The following TTC29 variants were observed in gnomAD, a reference collection of about 807,000 sequenced individuals.
The protein encoded by TTC29 is tetratricopeptide repeat protein 29.
A neutral mutation model predicts 58.1 loss-of-function variants in TTC29; 49 were observed. The ratio of observed to expected loss-of-function variants is 0.84; its 90% confidence interval spans 0.67 to 1.07. The LOEUF (loss-of-function observed/expected upper bound fraction) is 1.07. Ranked by LOEUF, TTC29 falls within the 50% of genes least tolerant of loss-of-function variation. The pLI is 0.00. For synonymous variants in TTC29, 209 were observed against 196.8 expected (o/e 1.06, Z -0.52); for missense variants, 582 against 555.6 (o/e 1.05, Z -0.48).
At chr4:146,847,336 T>TA (rs1276930113) in intron 8 of TTC29, among the ~76,000 whole-genome samples, 1 of 152,204 alleles carries the variant, frequency 6.6e-6, no homozygotes, top group Non-Finnish European at 1.5e-5. Context: ...GGCCTGACAA[T>TA]AAACAACAGT....
intron 11 of TTC29, among the ~76,000 whole-genome samples, chr4:146,736,035 G>A (rs980498848): frequency 1.3e-5 from 2 of 152,166 alleles, no homozygotes; most frequent in South Asian, 2.1e-4. Flanking sequence ...AGTCCCTGCC[G>A]GTCATCCAAC....
At chr4:146,734,961 C>A (rs1422727660) in intron 11 of TTC29, among the ~76,000 whole-genome samples, 1 of 152,056 alleles carries the variant, frequency 6.6e-6, no homozygotes, top group African/African-American at 2.4e-5. Context: ...TAAAAGTTAT[C>A]ATTGAAATTT....
intron 11 of TTC29, among the ~76,000 whole-genome samples, chr4:146,790,258 G>A (rs1023201053): frequency 1.3e-5 from 2 of 150,674 alleles, no homozygotes; most frequent in South Asian, 2.1e-4. Context: ...GCGCGATCTC[G>A]GCTCTCTGCA....
chr4:146,738,408 G>T (rs1261327510), intron 11 of TTC29, among the ~76,000 whole-genome samples: 1 of 152,138 alleles, frequency 6.6e-6, no homozygotes, highest in African/African-American at 2.4e-5. Flanking sequence ...GCTTTTGGAG[G>T]CTGACAAGAT....
intron 4 of TTC29, among the ~76,000 whole-genome samples, chr4:146,936,605 C>T (rs1735841889): frequency 6.6e-6 from 1 of 152,052 alleles, no homozygotes; most frequent in Non-Finnish European, 1.5e-5. Flanking sequence ...TGAGTGATTA[C>T]AGCTACTGTA....
At chr4:146,818,479 G>C (rs1751579637) in intron 10 of TTC29, among the ~76,000 whole-genome samples, 1 of 152,228 alleles carries the variant, frequency 6.6e-6, no homozygotes, top group Non-Finnish European at 1.5e-5. Context: ...CTTTTACACT[G>C]TTGGTGGGAC....
intron 8 of TTC29, among the ~76,000 whole-genome samples, chr4:146,846,710 A>G (rs1435593772): frequency 6.6e-6 from 1 of 152,206 alleles, no homozygotes; most frequent in African/African-American, 2.4e-5. Context: ...GAAAATTTCT[A>G]TATTTCCACA....
chr4:146,810,926 A>T (rs1401587972), intron 10 of TTC29, among the ~76,000 whole-genome samples: 5 of 152,098 alleles, frequency 3.3e-5, no homozygotes, highest in Non-Finnish European at 7.4e-5. Flanking sequence ...TAGTTAATGG[A>T]TGGTGAAAAT....
At chr4:146,797,208 C>T (rs553628680) in intron 11 of TTC29, among the ~76,000 whole-genome samples, 1 of 152,182 alleles carries the variant, frequency 6.6e-6, no homozygotes, top group South Asian at 2.1e-4. Context: ...AATCAGATTT[C>T]TCCATTTAAT....
rs1750096336 is a variant in TTC29 at position 146,799,921 on chromosome 4, TTC to T, written c.1330+3534_1330+3535del. Among the ~76,000 whole-genome samples the T allele has an allele frequency of 2.0e-5, 3 of 152,238 alleles. No individual in the cohort carries two copies. In the South Asian group the frequency reaches 6.2e-4, roughly 31 times the overall value. On this transcript the variant is annotated intron_variant, in intron 11 of 12. Transcript: ENST00000325106. ...ATGAGCCTTTCATTTAAAAAAATTC[TTC>T]TTGATTGTAGAGATAATAGCTCTAG... is the stretch of plus-strand genomic sequence containing the variant.
intron 8 of TTC29, among the ~76,000 whole-genome samples, chr4:146,866,136 C>T (rs892351195): frequency 3.9e-5 from 6 of 152,082 alleles, no homozygotes; most frequent in African/African-American, 1.4e-4. Context: ...AGACTGAGTA[C>T]AGGGAAGGAA....
intron 11 of TTC29, among the ~76,000 whole-genome samples, chr4:146,713,400 TAG>T (rs1258392216): frequency 1.3e-5 from 2 of 152,098 alleles, no homozygotes; most frequent in African/African-American, 4.8e-5. Flanking sequence ...CCTGAGATTA[TAG>T]AGTTAATCTC....
At chr4:146,884,783 G>T (rs372825147) in intron 6 of TTC29, among the ~76,000 whole-genome samples, 12 of 152,162 alleles carry the variant, frequency 7.9e-5, no homozygotes, top group African/African-American at 2.9e-4. Context: ...TCATGACTCA[G>T]CTGCAGCCAT....
intron 8 of TTC29, among the ~76,000 whole-genome samples, chr4:146,834,565 A>G (rs551540549): frequency 6.6e-6 from 1 of 152,348 alleles, no homozygotes; most frequent in Non-Finnish European, 1.5e-5. Context: ...AGAAAAATAC[A>G]TAAAACAGAA....
chr4:146,931,068 C>T (rs1016552174), intron 4 of TTC29, among the ~76,000 whole-genome samples: 1 of 152,018 alleles, frequency 6.6e-6, no homozygotes. Context: ...ACTGGCTGGG[C>T]ATGATGGCTC....
chr4:146,731,849 A>T (rs1466811524), intron 11 of TTC29, among the ~76,000 whole-genome samples: 1 of 152,154 alleles, frequency 6.6e-6, no homozygotes, highest in Non-Finnish European at 1.5e-5. Flanking sequence ...CTGGAACCAT[A>T]ATGAGAGCAT....
At chr4:146,870,487 A>C (rs1176793314) in intron 7 of TTC29, among the ~76,000 whole-genome samples, 1 of 151,984 alleles carries the variant, frequency 6.6e-6, no homozygotes, top group African/African-American at 2.4e-5. Context: ...AATAGGAAAA[A>C]CTTGAGTGGA....
intron 4 of TTC29, 78 bp from the exon 5 acceptor site, chr4:146,909,327 T>TAAAGGTTGA: frequency 8.6e-7 from 1 of 1,157,608 alleles, no homozygotes; most frequent in Non-Finnish European, 1.2e-6. Context: ...CTCTAATAAT[T>TAAAGGTTGA]AAAGGTTGAA....
At chr4:146,922,540 G>A (rs897513795) in intron 4 of TTC29, among the ~76,000 whole-genome samples, 4 of 151,752 alleles carry the variant, frequency 2.6e-5, no homozygotes, top group Non-Finnish European at 5.9e-5. Flanking sequence ...TGTGCCAGGT[G>A]CTGTTTTCAA....
Sources: gnomAD v4.1 joint callset for allele counts (sites outside exome capture counted in the v4.1 genomes callset) on GRCh38, gnomAD v4.1.1 for gene constraint, MANE v1.5 for transcripts, NCBI Gene and HGNC (gene_info 2026-07-23, HGNC 2026-07-21) for gene names.